The following PTPRT variants were observed in gnomAD, a reference collection of about 807,000 sequenced individuals.
PTPRT encodes protein tyrosine phosphatase receptor type T.
A neutral mutation model predicts 176.8 loss-of-function variants in PTPRT; 56 were observed. That is an observed-to-expected ratio of 0.32 (90% CI 0.26 to 0.40). The LOEUF is 0.40. Among genes scored for constraint, PTPRT ranks in the 10% least tolerant of loss-of-function variants. The pLI, the probability that PTPRT is intolerant of heterozygous loss-of-function variation, is 1.00. For synonymous variants in PTPRT, 783 were observed against 739.0 expected (o/e 1.06, Z -0.96); for missense variants, 1,540 against 1,908.2 (o/e 0.81, Z 3.60).
chr20:42,432,198 G>A (rs2059221230), intron 9 of PTPRT, among the ~76,000 whole-genome samples: 3 of 152,152 alleles, frequency 2.0e-5, no homozygotes. Flanking sequence ...GCCTCACTTA[G>A]GACTTGATAC....
intron 12 of PTPRT, among the ~76,000 whole-genome samples, chr20:42,290,910 C>T (rs1057239036): frequency 2.0e-5 from 3 of 152,066 alleles, no homozygotes; most frequent in Non-Finnish European, 4.4e-5. Context: ...AGGCTGCTAA[C>T]CTGATCAAGA....
At chr20:42,169,788 ACAC>A (rs1385195083) in intron 16 of PTPRT, among the ~76,000 whole-genome samples, 1 of 130,778 alleles carries the variant, frequency 7.6e-6, no homozygotes, top group African/African-American at 2.9e-5. Context: ...ACACACACAC[ACAC>A]AACAGTCAGT....
intron 7 of PTPRT, among the ~76,000 whole-genome samples, chr20:42,621,685 G>A (rs1301850286): frequency 1.3e-5 from 2 of 151,972 alleles, no homozygotes; most frequent in Non-Finnish European, 2.9e-5. Flanking sequence ...TCTTGGCATT[G>A]TTTTCAAGCT....
intron 7 of PTPRT, among the ~76,000 whole-genome samples, chr20:42,602,123 A>G (rs6102929): frequency 0.42 from 63,416 of 152,108 alleles, 16,462 homozygotes; most frequent in African/African-American, 0.74. Flanking sequence ...CCTGAAGTCC[A>G]TTTTTGGTAC....
chr20:43,009,558 C>T (rs1277566375), intron 1 of PTPRT, among the ~76,000 whole-genome samples: 1 of 152,086 alleles, frequency 6.6e-6, no homozygotes, highest in African/African-American at 2.4e-5. Context: ...AGAAGAAGGG[C>T]CAGGAGAATG....
chr20:42,225,621 G>A (rs1251337643), intron 15 of PTPRT, among the ~76,000 whole-genome samples: 2 of 152,050 alleles, frequency 1.3e-5, no homozygotes, highest in South Asian at 2.1e-4. Flanking sequence ...AATGTTATGA[G>A]GCCGAGGAGA....
intron 7 of PTPRT, among the ~76,000 whole-genome samples, chr20:42,526,104 G>C (rs1291547802): frequency 6.6e-6 from 1 of 151,646 alleles, no homozygotes; most frequent in African/African-American, 2.4e-5. Context: ...AATTTTACTT[G>C]ATATATCCTT....
chr20:42,169,328 A>G (rs1357044024), intron 16 of PTPRT, among the ~76,000 whole-genome samples: 1 of 152,138 alleles, frequency 6.6e-6, no homozygotes, highest in Non-Finnish European at 1.5e-5. Context: ...TTTCTGATAA[A>G]GAGATCAATC....
At chr20:42,212,680 G>A (rs368897202) in intron 15 of PTPRT, among the ~76,000 whole-genome samples, 19 of 152,066 alleles carry the variant, frequency 1.2e-4, no homozygotes, top group African/African-American at 4.3e-4. Flanking sequence ...TACTTCCCCC[G>A]TCAGACTGTT....
intron 18 of PTPRT, among the ~76,000 whole-genome samples, chr20:42,136,315 A>G (rs941143416): frequency 5.0e-5 from 7 of 139,022 alleles, no homozygotes; most frequent in African/African-American, 1.4e-4. Context: ...ACCATTTCCT[A>G]CAAGTATTGG....
At chr20:42,528,430 A>AT (rs142898822) in intron 7 of PTPRT, among the ~76,000 whole-genome samples, 16,944 of 151,892 alleles carry the variant, frequency 0.11, 2,048 homozygotes, top group African/African-American at 0.3. Context: ...ATATCCATTC[A>AT]TTATCCATTC....
In PTPRT at chr20:42,701,573, G is replaced by A. The variant is rs79365527; in HGVS notation, c.860-23414C>T. Reference sequence around the variant, plus strand: ...CCCCAAAAAGGGACAAGTGGACCTGGGGTTTACATTGAGAATTGCAAATCC... The same window carrying A: ...CCCCAAAAAGGGACAAGTGGACCTGAGGTTTACATTGAGAATTGCAAATCC... On this transcript the variant is annotated intron_variant, in intron 6 of 30. Coordinates refer to ENST00000373187, the MANE Select transcript of PTPRT (RefSeq NM_007050.6). 2.0e-5 allele frequency among the ~76,000 whole-genome samples: 3 copies of A among 152,148 alleles called. No individual in the cohort carries two copies. In the East Asian group the frequency reaches 5.8e-4, roughly 29 times the overall value.
At chr20:43,139,240 G>A (rs112539741) in intron 1 of PTPRT, among the ~76,000 whole-genome samples, 28 of 152,280 alleles carry the variant, frequency 1.8e-4, no homozygotes, top group African/African-American at 5.8e-4. Flanking sequence ...TCTTTTGCAC[G>A]TGTCTTCTCC....
chr20:42,462,368 G>A (rs1239714297), intron 8 of PTPRT, among the ~76,000 whole-genome samples: 1 of 152,148 alleles, frequency 6.6e-6, no homozygotes, highest in African/African-American at 2.4e-5. Context: ...GCGCAGTGGT[G>A]TGCAGCAGCT....
intron 1 of PTPRT, among the ~76,000 whole-genome samples, chr20:42,988,169 A>G (rs1164974745): frequency 6.6e-6 from 1 of 152,162 alleles, no homozygotes; most frequent in Non-Finnish European, 1.5e-5. Flanking sequence ...TGTCCTGTTT[A>G]TCACTGTGTC....
intron 7 of PTPRT, among the ~76,000 whole-genome samples, chr20:42,589,457 C>T (rs1360297190): frequency 6.6e-6 from 1 of 152,182 alleles, no homozygotes; most frequent in East Asian, 1.9e-4. Context: ...AGCAGAAATC[C>T]CACATTTCAG....
At chr20:42,916,438 T>C (rs921864115) in intron 1 of PTPRT, among the ~76,000 whole-genome samples, 15 of 152,222 alleles carry the variant, frequency 9.9e-5, no homozygotes, top group Non-Finnish European at 1.8e-4. Context: ...TGTGCATGTG[T>C]CTTTATAGCA....
rs558632377 is a variant in PTPRT at position 42,720,818 on chromosome 20, G to C, written c.859+35644C>G. ...GCTTGTCATAGAGGCATAGAATAAT[G>C]TGTCGCAGGCATTTTTGAATATAAC... is the stretch of plus-strand genomic sequence containing the variant. On this transcript the variant is annotated intron_variant, in intron 6 of 30. Transcript: ENST00000373187. Among the ~76,000 whole-genome samples the C allele has an allele frequency of 8.5e-5, 13 of 152,300 alleles. No individual in the cohort carries two copies. The East Asian group carries it at 2.3e-3, about 27-fold the overall frequency.
rs1208625308 is a variant in PTPRT, at chr20:42,229,841, T to TA, written c.2342+6387dup. 2.6e-5 allele frequency among the ~76,000 whole-genome samples: 4 copies of TA among 152,184 alleles called. No homozygotes were observed. In the South Asian group the frequency reaches 8.3e-4, roughly 32 times the overall value. On this transcript the variant is annotated intron_variant, in intron 15 of 30. Coordinates refer to ENST00000373187, the MANE Select transcript of PTPRT (RefSeq NM_007050.6). ...GGAAGTTACAAGGTCTAGAGTTATC[T>TA]AAAAAATGATGTCATTTTTTTTTCT...
Sources: allele counts gnomAD v4.1 joint callset (sites outside exome capture counted in the v4.1 genomes callset), GRCh38; gene constraint gnomAD v4.1.1; transcripts MANE v1.5; gene names NCBI Gene and HGNC (gene_info 2026-07-23, HGNC 2026-07-21).